Variants in SEPTIN9 observed in about 807,000 individuals in gnomAD.
The protein encoded by SEPTIN9 is septin 9.
A neutral mutation model predicts 56.6 loss-of-function variants in SEPTIN9; 13 were observed. The observed-to-expected ratio is 0.23, with a 90% confidence interval of 0.15 to 0.37. The LOEUF is 0.37. Among genes scored for constraint, SEPTIN9 ranks in the 10% least tolerant of loss-of-function variants. The pLI is 1.00. For missense variants in SEPTIN9, 650 were observed against 823.1 expected (o/e 0.79, Z 2.57); for synonymous variants, 332 against 334.1 (o/e 0.99, Z 0.07).
chr17:77,439,748 G>C lies in SEPTIN9; in HGVS notation c.721+37045G>C, dbSNP rs551034398. ...GCTCGTGAGTTGCTCCCCTCCTTTC[G>C]GGCATCCTGAACGGCTTCCCTGAGA... On this transcript the variant is annotated intron_variant, in intron 3 of 11. Coordinates refer to ENST00000427177, the MANE Select transcript of SEPTIN9 (RefSeq NM_001113491.2). Among the ~76,000 whole-genome samples the C allele has an allele frequency of 2.0e-5, 3 of 152,262 alleles. No homozygotes were observed. In the South Asian group the frequency reaches 6.2e-4, roughly 32 times the overall value.
chr17:77,285,247 T>A (rs1263942976), intron 1 of SEPTIN9, among the ~76,000 whole-genome samples: 2 of 152,000 alleles, frequency 1.3e-5, no homozygotes, highest in Non-Finnish European at 2.9e-5. Context: ...CTAGGTCACA[T>A]GGAACTTGCC....
At chr17:77,497,699 G>A (rs868226651) in intron 11 of SEPTIN9, 13 of 444,730 alleles carry the variant, frequency 2.9e-5, no homozygotes, top group South Asian at 1.3e-4. Flanking sequence ...TGCCGGCAGC[G>A]TGGGGCGTCT....
chr17:77,282,081 G>A (rs1383354407), intron 1 of SEPTIN9, among the ~76,000 whole-genome samples: 1 of 152,182 alleles, frequency 6.6e-6, no homozygotes, highest in East Asian at 1.9e-4. Context: ...CGCTCAGGAC[G>A]CCGCCCGCGG....
chr17:77,383,506 C>G (rs554266267), intron 2 of SEPTIN9, among the ~76,000 whole-genome samples: 1 of 152,308 alleles, frequency 6.6e-6, no homozygotes, highest in African/African-American at 2.4e-5. Context: ...TCCCTGGCCC[C>G]TGGCTGAGCA....
rs1180909345 is a variant in SEPTIN9 at position 77,425,096 on chromosome 17, C to T, written c.721+22393C>T. Reference sequence around the variant, plus strand: ...CAGGCGGCCAAAGTGAGCTCTGCTCCAGTCCCCCCACCCCCGGGGCTGTTC... The same window carrying T: ...CAGGCGGCCAAAGTGAGCTCTGCTCTAGTCCCCCCACCCCCGGGGCTGTTC... On this transcript the variant is annotated intron_variant, in intron 3 of 11. Coordinates refer to ENST00000427177, the MANE Select transcript of SEPTIN9 (RefSeq NM_001113491.2). The surrounding 1 kb of genome is among the most constrained non-coding windows in gnomAD (Gnocchi z 4.2). Among the ~76,000 whole-genome samples, 1 of 152,210 alleles carries T rather than the reference C, an allele frequency of 6.6e-6. No homozygotes were observed. Among genetic ancestry groups the T allele is most frequent in the Non-Finnish European group, 1.5e-5 (1 of 68,030 alleles).
rs532721985 is a variant in SEPTIN9, at chr17:77,470,744, C to T, written c.722-11400C>T. On this transcript the variant is annotated intron_variant, in intron 3 of 11. Transcript: ENST00000427177. ...CATTTATCCAACCATCCATCCCCAT[C>T]CTTACTTCAGAAAGCATTTGAAGTT... The T allele has an allele frequency of 4.6e-5, 7 of 152,394 alleles. No homozygotes were observed. In the East Asian group the frequency reaches 1.3e-3, roughly 29 times the overall value. The allele number at this position is 152,394 out of a possible 1,614,324, so 9.4% of individuals were successfully genotyped here.
intron 3 of SEPTIN9, among the ~76,000 whole-genome samples, chr17:77,422,609 C>T (rs994109432): frequency 2.6e-5 from 4 of 152,210 alleles, no homozygotes; most frequent in African/African-American, 7.2e-5. Context: ...CCAGGGAGCA[C>T]TCAGGGCTGG....
chr17:77,451,496 G>A lies in SEPTIN9; in HGVS notation c.722-30648G>A, dbSNP rs2037967716. 1 of 985,804 alleles carries A rather than the reference G, an allele frequency of 1.0e-6. No homozygotes were observed. Among genetic ancestry groups the A allele is most frequent in the Non-Finnish European group, 1.2e-6 (1 of 830,208 alleles). 61.1% of individuals were successfully genotyped at this position (985,804 alleles called of 1,614,324 possible). A position where few individuals can be genotyped will look rare whatever the true frequency, so the allele number is the denominator to read the frequency against. On this transcript the variant is annotated intron_variant, in intron 3 of 11. Coordinates refer to ENST00000427177, the MANE Select transcript of SEPTIN9 (RefSeq NM_001113491.2). The surrounding 1 kb of genome is among the most constrained non-coding windows in gnomAD (Gnocchi z 4.2). ...CGGTGGGCGGGCCGCGGCTCTCGGCGCGTCCAGCGCAGCCCGACGTTCCGC... is the reference window on the plus strand; with the variant it reads ...CGGTGGGCGGGCCGCGGCTCTCGGCACGTCCAGCGCAGCCCGACGTTCCGC...
Position 77,496,037 on chromosome 17 carries a change from T to C in SEPTIN9, c.1574-1278T>C, listed in dbSNP as rs1395250751. On this transcript the variant is annotated intron_variant, in intron 10 of 11. Transcript: ENST00000427177. Reference sequence around the variant, plus strand: ...TTCTTTTCTTTTTCTTTTTCTTTTTTTTTTTTTTTGAGACGAAGTTTCACT... The same window carrying C: ...TTCTTTTCTTTTTCTTTTTCTTTTTCTTTTTTTTTGAGACGAAGTTTCACT... Among the ~76,000 whole-genome samples the C allele has an allele frequency of 4.0e-5, 6 of 150,514 alleles. No homozygotes were observed. In the East Asian group the frequency reaches 7.7e-4, roughly 19 times the overall value.
At chr17:77,409,152 A>G (rs7216909) in intron 3 of SEPTIN9, among the ~76,000 whole-genome samples, 59,528 of 151,860 alleles carry the variant, frequency 0.39, 12,448 homozygotes, top group African/African-American at 0.49. Flanking sequence ...GAGGGCACCC[A>G]GGTCCCCTTT....
intron 1 of SEPTIN9, among the ~76,000 whole-genome samples, chr17:77,292,024 G>GT (rs1453244152): frequency 2.6e-5 from 4 of 152,156 alleles, no homozygotes; most frequent in Non-Finnish European, 5.9e-5. Context: ...CCTTGTCGAG[G>GT]TCTTTGATTC....
intron 2 of SEPTIN9, among the ~76,000 whole-genome samples, chr17:77,361,298 C>T (rs985291797): frequency 3.9e-5 from 6 of 152,150 alleles, no homozygotes; most frequent in Non-Finnish European, 7.3e-5. Context: ...GTACTGCCTG[C>T]GGGACAGAGC....
chr17:77,375,170 G>T lies in SEPTIN9; in HGVS notation c.77-26889G>T, dbSNP rs558229809. On this transcript the variant is annotated intron_variant, in intron 2 of 11. Transcript: ENST00000427177. ...GAGTGAATGTGACCTCCCTGCCCCT[G>T]CCTCTTTGCAACTCCTCCCTGCGAC... 2.3e-4 allele frequency: 35 copies of T among 152,672 alleles called. 1 individual carries two copies. The highest frequency in any genetic ancestry group is 7.7e-4 in the African/African-American group (32 of 41,518). The allele number at this position is 152,672 out of a possible 1,614,324, so 9.5% of individuals were successfully genotyped here. A position where few individuals can be genotyped will look rare whatever the true frequency, so the allele number is the denominator to read the frequency against.
At position 77,451,456 on chromosome 17, in the gene SEPTIN9, C is replaced by G; in HGVS notation, c.722-30688C>G. 1 of 985,940 alleles carries G rather than the reference C, an allele frequency of 1.0e-6. No individual in the cohort carries two copies. 61.1% of individuals were successfully genotyped at this position (985,940 alleles called of 1,614,324 possible). A position where few individuals can be genotyped will look rare whatever the true frequency, so the allele number is the denominator to read the frequency against. The stretch of plus-strand genomic sequence containing the variant: ...AGCCCCTTTGATCCTCTGCTCGGCT[C>G]TGAGCCATGTGACCCGGTGGGCGGG... On this transcript the variant is annotated intron_variant, in intron 3 of 11. Coordinates refer to ENST00000427177, the MANE Select transcript of SEPTIN9 (RefSeq NM_001113491.2). This position sits in a 1 kb window ranked among gnomAD's most constrained non-coding sequence, Gnocchi z 4.2.
At chr17:77,299,477 G>A (rs1017555848) in intron 1 of SEPTIN9, among the ~76,000 whole-genome samples, 1 of 152,192 alleles carries the variant, frequency 6.6e-6, no homozygotes, top group African/African-American at 2.4e-5. Context: ...GCTACAGTTG[G>A]AGAATTGCTT....
chr17:77,464,403 G>C (rs1348714934), intron 3 of SEPTIN9, among the ~76,000 whole-genome samples: 2 of 152,058 alleles, frequency 1.3e-5, no homozygotes, highest in South Asian at 2.1e-4. Flanking sequence ...TTTTCACACA[G>C]AGCATCCAGT....
At chr17:77,349,332 G>C (rs1015090707) in intron 2 of SEPTIN9, among the ~76,000 whole-genome samples, 4 of 152,222 alleles carry the variant, frequency 2.6e-5, no homozygotes, top group South Asian at 2.1e-4. Context: ...GGCCAGGCTG[G>C]TCTCGAACTC....
At position 77,433,538 on chromosome 17, in the gene SEPTIN9, A is replaced by G. The variant is rs1568065783; in HGVS notation, c.721+30835A>G. Among the ~76,000 whole-genome samples the G allele has an allele frequency of 6.7e-6, 1 of 150,272 alleles. No individual in the cohort carries two copies. The highest frequency in any genetic ancestry group is 2.4e-5 in the African/African-American group (1 of 40,818). ...TGGCGCCCCAGCCACGTTCCCACCC[A>G]CCCCGAGGCCCAGCATGGCCATGCC... On this transcript the variant is annotated intron_variant, in intron 3 of 11. Coordinates refer to ENST00000427177, the MANE Select transcript of SEPTIN9 (RefSeq NM_001113491.2). The surrounding 1 kb of genome is among the most constrained non-coding windows in gnomAD (Gnocchi z 6.4).
In SEPTIN9 at chr17:77,319,611, TGG is replaced by T. The variant is rs997968939; in HGVS notation, c.76+12417_76+12418del. ...GGAACCTTTTCTCAGCACGCTGGCC[TGG>T]GGCACGGCCGTTCCTCCTGCCCAGC... On this transcript the variant is annotated intron_variant, in intron 2 of 11. Coordinates refer to ENST00000427177, the MANE Select transcript of SEPTIN9 (RefSeq NM_001113491.2). The surrounding 1 kb of genome is among the most constrained non-coding windows in gnomAD (Gnocchi z 5.3). 3 of 1,061,520 alleles carry T rather than the reference TGG, an allele frequency of 2.8e-6. No homozygotes were observed. Among genetic ancestry groups the T allele is most frequent in the Non-Finnish European group, 3.4e-6 (3 of 877,050 alleles). The allele number at this position is 1,061,520 out of a possible 1,614,324, so 65.8% of individuals were successfully genotyped here.
Sources: allele counts gnomAD v4.1 joint callset (sites outside exome capture counted in the v4.1 genomes callset), GRCh38; gene constraint gnomAD v4.1.1; non-coding constraint Gnocchi (gnomAD v3.1); transcripts MANE v1.5; gene names NCBI Gene and HGNC (gene_info 2026-07-23, HGNC 2026-07-21).